Variants in CATSPERE observed in about 807,000 individuals in gnomAD.
The protein encoded by CATSPERE is catsper channel auxiliary subunit epsilon.
In CATSPERE, 93 loss-of-function variants were observed where a neutral mutation model predicts 114.1. That is an observed-to-expected ratio of 0.81 (90% CI 0.69 to 0.97). The LOEUF (loss-of-function observed/expected upper bound fraction) is 0.97. Among genes scored for constraint, CATSPERE ranks in the 50% least tolerant of loss-of-function variants. The probability of loss-of-function intolerance (pLI) is 0.00; values close to 1 mark genes in which losing one functional copy is unlikely to be tolerated. For missense variants in CATSPERE, 1,058 were observed against 1,131.6 expected (o/e 0.93, Z 0.93); for synonymous variants, 341 against 384.1 (o/e 0.89, Z 1.31).
In CATSPERE at chr1:244,610,275, A is replaced by G; in HGVS notation, c.2439A>G (p.Ser813=). The stretch of plus-strand genomic sequence containing the variant: ...TACATGAAGCACAGACATGGAAGTC[A>G]ATGATTGAACTTAACAAGCACCTCC... ...GCLHEAQTWK[S]MIELNKHLPL... The change falls in exon 19 of 22, where the codon TCA becomes TCG. Residue 813 remains serine (S), a synonymous_variant. Coordinates refer to ENST00000366534, the MANE Select transcript of CATSPERE (RefSeq NM_001130957.2). The G allele has an allele frequency of 1.2e-6, 2 of 1,612,812 alleles. No individual in the cohort carries two copies. The highest frequency in any genetic ancestry group is 1.1e-5 in the South Asian group (1 of 90,628).
intron 2 of CATSPERE, among the ~76,000 whole-genome samples, chr1:244,468,890 C>A (rs1180950115): frequency 1.3e-5 from 2 of 152,036 alleles, no homozygotes; most frequent in Admixed American, 1.3e-4. Context: ...TGCACTCCAG[C>A]CTGGGTGACA....
chr1:244,604,231 A>G (rs981455056), intron 17 of CATSPERE, among the ~76,000 whole-genome samples: 2 of 152,246 alleles, frequency 1.3e-5, no homozygotes, highest in African/African-American at 2.4e-5. Context: ...TCAGAAAAGA[A>G]GCCAAACACC....
At position 244,593,679 on chromosome 1, in the gene CATSPERE, A is replaced by T. The variant is rs377603113; in HGVS notation, c.2303+101A>T. On this transcript the variant is annotated intron_variant, in intron 17 of 21. Coordinates refer to ENST00000366534, the MANE Select transcript of CATSPERE (RefSeq NM_001130957.2). ...TCATGCATCTAACAACACGTATTTTAGACTCTACTCAATATATGCGAGACT... is the reference window on the plus strand; with the variant it reads ...TCATGCATCTAACAACACGTATTTTTGACTCTACTCAATATATGCGAGACT... 1.5e-4 allele frequency: 141 copies of T among 934,600 alleles called. 3 individuals are homozygous for T. In the South Asian group the frequency reaches 1.7e-3, roughly 12 times the overall value. 57.9% of individuals were successfully genotyped at this position (934,600 alleles called of 1,614,324 possible). A position where few individuals can be genotyped will look rare whatever the true frequency, so the allele number is the denominator to read the frequency against.
At chr1:244,462,855 GA>G (rs1274536593) in intron 1 of CATSPERE, among the ~76,000 whole-genome samples, 1 of 152,066 alleles carries the variant, frequency 6.6e-6, no homozygotes, top group African/African-American at 2.4e-5. Context: ...TCTACATACA[GA>G]AAAAAGGCCT....
At chr1:244,609,207 A>C (rs1417221117) in intron 18 of CATSPERE, among the ~76,000 whole-genome samples, 1 of 152,108 alleles carries the variant, frequency 6.6e-6, no homozygotes, top group Admixed American at 6.6e-5. Context: ...ATAAATAAAT[A>C]AATCTTAGAA....
At chr1:244,586,546 C>A (rs1447745451) in intron 13 of CATSPERE, among the ~76,000 whole-genome samples, 2 of 151,960 alleles carry the variant, frequency 1.3e-5, no homozygotes, top group East Asian at 3.9e-4. Flanking sequence ...GTCAAGTGGT[C>A]CAGGAAATAA....
chr1:244,483,305 T>C (rs1670534452), intron 5 of CATSPERE, among the ~76,000 whole-genome samples: 1 of 152,210 alleles, frequency 6.6e-6, no homozygotes, highest in Admixed American at 6.5e-5. Flanking sequence ...GTAGTACTGA[T>C]TTAATGCATA....
chr1:244,566,652 C>CTTTGTTT (rs1663561947), intron 10 of CATSPERE, among the ~76,000 whole-genome samples: 1 of 49,070 alleles, frequency 2.0e-5, no homozygotes, highest in Non-Finnish European at 7.0e-5. Flanking sequence ...GCAACCCCTG[C>CTTTGTTT]TTTTTTTTTT....
intron 20 of CATSPERE, among the ~76,000 whole-genome samples, chr1:244,632,287 G>C (rs938418466): frequency 4.9e-4 from 74 of 151,558 alleles, no homozygotes; most frequent in African/African-American, 1.7e-3. Context: ...CCAGCTACTT[G>C]GGAGGCTGAG....
intron 5 of CATSPERE, among the ~76,000 whole-genome samples, chr1:244,480,386 G>A (rs1405718333): frequency 1.3e-5 from 2 of 152,170 alleles, no homozygotes; most frequent in East Asian, 3.9e-4. Flanking sequence ...TAGGACATAA[G>A]GAACTGTAGT....
At chr1:244,618,718 G>A (rs965021038) in intron 20 of CATSPERE, among the ~76,000 whole-genome samples, 5 of 122,200 alleles carry the variant, frequency 4.1e-5, no homozygotes, top group African/African-American at 5.8e-5. Context: ...CAGAGGTTGC[G>A]GTGAGCTGAG....
At chr1:244,624,948 C>T (rs1672911142) in intron 20 of CATSPERE, among the ~76,000 whole-genome samples, 1 of 152,208 alleles carries the variant, frequency 6.6e-6, no homozygotes. Context: ...ATTTCTGCCA[C>T]ATGTGCAGTG....
chr1:244,477,534 T>A lies in CATSPERE; in HGVS notation c.115-7T>A. 6.5e-7 allele frequency: 1 copy of A among 1,545,408 alleles called. No individual in the cohort carries two copies. The highest frequency in any genetic ancestry group is 8.9e-7 in the Non-Finnish European group (1 of 1,124,510). On this transcript the variant is annotated splice_polypyrimidine_tract_variant and splice_region_variant and intron_variant, in intron 2 of 21. Coordinates refer to ENST00000366534, the MANE Select transcript of CATSPERE (RefSeq NM_001130957.2). The stretch of plus-strand genomic sequence containing the variant: ...TTTTTTGTTCGAACTCTTGTTTTCT[T>A]TTTTAGATTAAGTTAGAGTATGAAG...
At chr1:244,470,894 A>C (rs1668370062) in intron 2 of CATSPERE, among the ~76,000 whole-genome samples, 1 of 152,234 alleles carries the variant, frequency 6.6e-6, no homozygotes, top group African/African-American at 2.4e-5. Flanking sequence ...CATTATGCTA[A>C]GTGCAAGAAA....
intron 19 of CATSPERE, 152 bp downstream of exon 19, chr1:244,610,478 A>T: frequency 1.4e-6 from 1 of 711,210 alleles, no homozygotes. Context: ...TGGTATTTTT[A>T]AAATGCTTCA....
chr1:244,635,397 A>T (rs577467445), intron 20 of CATSPERE, 92 bp from the exon 21 acceptor site: 44 of 874,626 alleles, frequency 5.0e-5, no homozygotes, highest in Middle Eastern at 2.6e-4. Context: ...CTAGGATTAT[A>T]TATGGTTTGA....
intron 6 of CATSPERE, among the ~76,000 whole-genome samples, chr1:244,493,041 A>G (rs1362902652): frequency 1.9e-4 from 29 of 150,764 alleles, no homozygotes; most frequent in Admixed American, 6.6e-5. Context: ...TACAGATTCA[A>G]TGCCATCCCC....
chr1:244,490,310 G>A lies in CATSPERE; in HGVS notation c.327-137G>A, dbSNP rs149318538. The A allele has an allele frequency of 1.0e-3, 540 of 536,578 alleles. 1 individual carries two copies. Among genetic ancestry groups the A allele is most frequent in the Non-Finnish European group, 1.6e-3 (476 of 302,624 alleles). The allele number at this position is 536,578 out of a possible 1,614,324, so 33.2% of individuals were successfully genotyped here. A position where few individuals can be genotyped will look rare whatever the true frequency, so the allele number is the denominator to read the frequency against. ...ATGTGATTTTTTGTTTTTACATTTA[G>A]CCTTTAATTTTATATACCGTAATGA... On this transcript the variant is annotated intron_variant, in intron 5 of 21. Transcript: ENST00000366534.
At chr1:244,503,515 C>A (rs1336983538) in intron 7 of CATSPERE, among the ~76,000 whole-genome samples, 1 of 152,196 alleles carries the variant, frequency 6.6e-6, no homozygotes, top group East Asian at 1.9e-4. Flanking sequence ...TATATTCCCT[C>A]TTTTTATCTC....
Sources: allele counts gnomAD v4.1 joint callset (sites outside exome capture counted in the v4.1 genomes callset), GRCh38; gene constraint gnomAD v4.1.1; transcripts MANE v1.5; gene names NCBI Gene and HGNC (gene_info 2026-07-23, HGNC 2026-07-21).